Variants in HIBADH observed in about 807,000 individuals in gnomAD.
HIBADH encodes 3-hydroxyisobutyrate dehydrogenase, mitochondrial.
A neutral mutation model predicts 36.1 loss-of-function variants in HIBADH; 25 were observed. That is an observed-to-expected ratio of 0.69 (90% CI 0.50 to 0.97). The LOEUF is 0.97. HIBADH is among the 50% of genes least tolerant of loss of function. The pLI is 0.00. For synonymous variants in HIBADH, 160 were observed against 149.5 expected (o/e 1.07, Z -0.51); for missense variants, 421 against 418.0 (o/e 1.01, Z -0.06).
At chr7:27,549,768 A>T (rs938081638) in intron 4 of HIBADH, among the ~76,000 whole-genome samples, 1 of 152,206 alleles carries the variant, frequency 6.6e-6, no homozygotes, top group Non-Finnish European at 1.5e-5. Context: ...CCTCATTCTA[A>T]CATTTATGCT....
intron 4 of HIBADH, among the ~76,000 whole-genome samples, chr7:27,577,447 G>A (rs937700583): frequency 6.6e-6 from 1 of 152,082 alleles, no homozygotes; most frequent in African/African-American, 2.4e-5. Context: ...ACCGGCATGA[G>A]CCACTGTGCC....
At chr7:27,576,312 A>G (rs914421406) in intron 4 of HIBADH, among the ~76,000 whole-genome samples, 2 of 152,254 alleles carry the variant, frequency 1.3e-5, no homozygotes, top group Admixed American at 6.5e-5. Flanking sequence ...TTAAGATTAT[A>G]TAACAAAGCC....
chr7:27,636,561 A>C (rs1785844423), intron 2 of HIBADH, among the ~76,000 whole-genome samples: 1 of 152,238 alleles, frequency 6.6e-6, no homozygotes, highest in Admixed American at 6.5e-5. Flanking sequence ...GATTTACTTA[A>C]GCAAACATGT....
At chr7:27,568,632 T>A (rs527691121) in intron 4 of HIBADH, among the ~76,000 whole-genome samples, 63 of 152,076 alleles carry the variant, frequency 4.1e-4, no homozygotes, top group African/African-American at 9.6e-4. Context: ...TAATTTTTTT[T>A]TAAATTTTTT....
intron 5 of HIBADH, among the ~76,000 whole-genome samples, chr7:27,540,478 G>C (rs1191160814): frequency 2.0e-5 from 3 of 152,162 alleles, no homozygotes; most frequent in Non-Finnish European, 4.4e-5. Context: ...TGATTTCCTT[G>C]ATTGGCCCTG....
rs375927918 is a variant in HIBADH at position 27,643,913 on chromosome 7, G to A, written c.252+5560C>T. Among the ~76,000 whole-genome samples the A allele has an allele frequency of 2.6e-4, 39 of 152,154 alleles. No individual in the cohort carries two copies. The South Asian group carries it at 4.1e-3, about 16-fold the overall frequency. On this transcript the variant is annotated intron_variant, in intron 2 of 7. Coordinates refer to ENST00000265395, the MANE Select transcript of HIBADH (RefSeq NM_152740.4). ...CTCTGTGTCTTCTTTTCTGTCTCTG[G>A]TAAGGACACTTGTCATTAGCTTTAG...
chr7:27,617,807 C>T (rs117221888), intron 4 of HIBADH, among the ~76,000 whole-genome samples: 2,546 of 152,046 alleles, frequency 0.017, 37 homozygotes, highest in South Asian at 0.075. Context: ...ATCTGGAAAC[C>T]CTGCAAGGGC....
intron 4 of HIBADH, among the ~76,000 whole-genome samples, chr7:27,550,648 A>AC (rs1347812887): frequency 1.3e-5 from 2 of 151,848 alleles, no homozygotes; most frequent in Non-Finnish European, 2.9e-5. Flanking sequence ...GTATTTCATG[A>AC]CCCCCCTTTC....
At chr7:27,562,630 CA>C (rs1209557612) in intron 4 of HIBADH, among the ~76,000 whole-genome samples, 3 of 152,030 alleles carry the variant, frequency 2.0e-5, no homozygotes, top group Admixed American at 6.6e-5. Context: ...TAGCTGGGAC[CA>C]CAGGCACAAG....
chr7:27,531,425 G>T, intron 6 of HIBADH, 77 bp from the exon 7 acceptor site: 1 of 1,264,442 alleles, frequency 7.9e-7, no homozygotes, highest in Non-Finnish European at 1.1e-6. Context: ...GTATGGGGAT[G>T]CTCCATCTTC....
In HIBADH at chr7:27,541,362, C is replaced by T. The variant is rs543156274; in HGVS notation, c.618+1605G>A. Among the ~76,000 whole-genome samples, 8 of 152,196 alleles carry T rather than the reference C, an allele frequency of 5.3e-5. No homozygotes were observed. The South Asian group carries it at 1.7e-3, about 32-fold the overall frequency. On this transcript the variant is annotated intron_variant, in intron 5 of 7. Transcript: ENST00000265395. ...GCATTAAATTCTCCAGCTTTAGATC[C>T]TTCACTTTCTTTTTGCTTTAAGTTG...
chr7:27,563,013 G>C (rs894498998), intron 4 of HIBADH, among the ~76,000 whole-genome samples: 1 of 152,068 alleles, frequency 6.6e-6, no homozygotes, highest in South Asian at 2.1e-4. Context: ...CATCAGTGAG[G>C]ATACGAAATA....
chr7:27,575,095 T>C (rs895778057), intron 4 of HIBADH, among the ~76,000 whole-genome samples: 1 of 152,214 alleles, frequency 6.6e-6, no homozygotes, highest in Admixed American at 6.5e-5. Flanking sequence ...ATTATAAAAT[T>C]ATTTTACTTT....
intron 2 of HIBADH, among the ~76,000 whole-genome samples, chr7:27,644,269 T>C (rs1786015385): frequency 6.6e-6 from 1 of 151,604 alleles, no homozygotes; most frequent in African/African-American, 2.4e-5. Flanking sequence ...ATCGAGACCA[T>C]CCTGGCCAAC....
In HIBADH at chr7:27,662,852, G is replaced by T. The variant is rs569924053; in HGVS notation, c.-64C>A. On this transcript the variant is annotated 5_prime_UTR_variant, in exon 1 of 8. Coordinates refer to ENST00000265395, the MANE Select transcript of HIBADH (RefSeq NM_152740.4). Reference sequence around the variant, plus strand: ...CTCCCGGAGGGCCCACAGACTGCGAGCGTGTGCAGCGGGACTGGCTGGCTC... The same window carrying T: ...CTCCCGGAGGGCCCACAGACTGCGATCGTGTGCAGCGGGACTGGCTGGCTC... The T allele has an allele frequency of 1.7e-5, 22 of 1,276,192 alleles. No individual in the cohort carries two copies. Among genetic ancestry groups the T allele is most frequent in the Non-Finnish European group, 2.3e-5 (22 of 963,440 alleles). The allele number at this position is 1,276,192 out of a possible 1,614,324, so 79.1% of individuals were successfully genotyped here.
intron 2 of HIBADH, among the ~76,000 whole-genome samples, chr7:27,648,461 A>C (rs931353350): frequency 2.0e-5 from 3 of 152,188 alleles, no homozygotes; most frequent in Non-Finnish European, 4.4e-5. Flanking sequence ...AAGTTACCTA[A>C]AGCTGTTCTG....
intron 4 of HIBADH, among the ~76,000 whole-genome samples, chr7:27,568,917 CCAAATTTTTTTTTTT>C (rs1784586597): frequency 1.3e-5 from 1 of 74,486 alleles, no homozygotes; most frequent in Non-Finnish European, 2.5e-5. Flanking sequence ...TTTTTTTTTT[CCAAATTTTTTTTTTT>C]GTACCACACT....
chr7:27,618,034 G>A (rs1166810469), intron 4 of HIBADH, among the ~76,000 whole-genome samples: 1 of 152,220 alleles, frequency 6.6e-6, no homozygotes, highest in Non-Finnish European at 1.5e-5. Flanking sequence ...CCTGTCTGGG[G>A]CTGTGAGAAA....
At chr7:27,582,401 T>C (rs1784806523) in intron 4 of HIBADH, among the ~76,000 whole-genome samples, 1 of 152,140 alleles carries the variant, frequency 6.6e-6, no homozygotes, top group East Asian at 1.9e-4. Flanking sequence ...ATGGTAAATA[T>C]ACATATTACC....
Sources: gnomAD v4.1 joint callset for allele counts (sites outside exome capture counted in the v4.1 genomes callset) on GRCh38, gnomAD v4.1.1 for gene constraint, MANE v1.5 for transcripts, NCBI Gene and HGNC (gene_info 2026-07-23, HGNC 2026-07-21) for gene names.